ANK3: variants seen among roughly 807,000 people sequenced by gnomAD.
ANK3 encodes ankyrin 3.
In ANK3, 57 loss-of-function variants were observed where a neutral mutation model predicts 370.9. That is an observed-to-expected ratio of 0.15 (90% CI 0.12 to 0.19). ANK3 has a LOEUF of 0.19. ANK3 is among the 10% of genes least tolerant of loss of function. The probability of loss-of-function intolerance (pLI) is 1.00; values close to 1 mark genes in which losing one functional copy is unlikely to be tolerated. For synonymous variants in ANK3, 1,929 were observed against 1,946.3 expected (o/e 0.99, Z 0.23); for missense variants, 4,439 against 5,302.1 (o/e 0.84, Z 5.06).
intron 23 of ANK3, among the ~76,000 whole-genome samples, chr10:60,154,740 AG>A (rs2095273372): frequency 6.6e-6 from 1 of 152,208 alleles, no homozygotes. Flanking sequence ...AGTTACAGTG[AG>A]CCGAGATCAT....
At chr10:60,404,819 T>A (rs72806156) in intron 2 of ANK3, among the ~76,000 whole-genome samples, 16,187 of 152,032 alleles carry the variant, frequency 0.11, 958 homozygotes, top group South Asian at 0.14. Flanking sequence ...AATATATCCG[T>A]CCAAGGATCA....
At chr10:60,710,687 T>C (rs538864458) in intron 1 of ANK3, among the ~76,000 whole-genome samples, 1 of 152,282 alleles carries the variant, frequency 6.6e-6, no homozygotes, top group African/African-American at 2.4e-5. Flanking sequence ...ACCTATATAA[T>C]GGTTTATTAC....
intron 2 of ANK3, chr10:60,572,889 A>G (rs2077632126): frequency 9.8e-7 from 1 of 1,022,278 alleles, no homozygotes; most frequent in Non-Finnish European, 1.2e-6. Flanking sequence ...GGAAATGGTG[A>G]GAGAGAGAGA....
chr10:60,492,023 A>G (rs2075520681), intron 2 of ANK3, among the ~76,000 whole-genome samples: 3 of 152,152 alleles, frequency 2.0e-5, no homozygotes. Context: ...TTATAATGGA[A>G]CTGAAGATTT....
intron 16 of ANK3, among the ~76,000 whole-genome samples, chr10:60,193,429 G>A (rs2096529651): frequency 6.6e-6 from 1 of 152,150 alleles, no homozygotes; most frequent in South Asian, 2.1e-4. Flanking sequence ...GGCCAAGGAG[G>A]GCAGATCACT....
chr10:60,466,359 G>A (rs1453692923), intron 2 of ANK3, among the ~76,000 whole-genome samples: 2 of 152,074 alleles, frequency 1.3e-5, no homozygotes, highest in Non-Finnish European at 2.9e-5. Flanking sequence ...AAACCCTCAC[G>A]ATGCCAATAA....
At chr10:60,554,837 A>C (rs1316408986) in intron 2 of ANK3, among the ~76,000 whole-genome samples, 1 of 152,226 alleles carries the variant, frequency 6.6e-6, no homozygotes, top group Non-Finnish European at 1.5e-5. Flanking sequence ...GACACTATAC[A>C]AAAGTTACAT....
At chr10:60,173,744 C>G (rs960672867) in intron 18 of ANK3, among the ~76,000 whole-genome samples, 2 of 152,128 alleles carry the variant, frequency 1.3e-5, no homozygotes, top group Non-Finnish European at 1.5e-5. Flanking sequence ...TCAAGTTAGT[C>G]TTTTGCCTTC....
At chr10:60,403,984 G>T (rs1365626042) in intron 2 of ANK3, among the ~76,000 whole-genome samples, 2 of 152,026 alleles carry the variant, frequency 1.3e-5, no homozygotes, top group African/African-American at 4.8e-5. Context: ...TTTAAAAAAA[G>T]AACAATTCTA....
intron 1 of ANK3, among the ~76,000 whole-genome samples, chr10:60,291,083 T>C (rs1213179877): frequency 6.6e-6 from 1 of 152,018 alleles, no homozygotes; most frequent in African/African-American, 2.4e-5. Flanking sequence ...AAAACAAATA[T>C]AGAGAAGAAA....
chr10:60,448,163 C>T (rs1241173626), intron 2 of ANK3, among the ~76,000 whole-genome samples: 1 of 152,088 alleles, frequency 6.6e-6, no homozygotes, highest in Non-Finnish European at 1.5e-5. Flanking sequence ...TCAGAGATGG[C>T]CATAATGACC....
chr10:60,312,490 G>A (rs2046558056), intron 1 of ANK3, among the ~76,000 whole-genome samples: 1 of 152,162 alleles, frequency 6.6e-6, no homozygotes, highest in African/African-American at 2.4e-5. Context: ...GTTTGGCAAG[G>A]TGGACACAGT....
intron 4 of ANK3, among the ~76,000 whole-genome samples, chr10:60,277,669 C>T (rs1325185292): frequency 6.6e-6 from 1 of 150,966 alleles, no homozygotes; most frequent in East Asian, 1.9e-4. Context: ...GCTTCCTAGC[C>T]TAATACTGCC....
intron 1 of ANK3, among the ~76,000 whole-genome samples, chr10:60,637,514 A>G (rs1379230708): frequency 6.6e-6 from 1 of 152,236 alleles, no homozygotes; most frequent in Non-Finnish European, 1.5e-5. Flanking sequence ...AATTCTTCGA[A>G]CTAATAATTC....
intron 12 of ANK3, among the ~76,000 whole-genome samples, chr10:60,201,352 C>T (rs566605732): frequency 1.8e-4 from 28 of 152,338 alleles, no homozygotes; most frequent in Admixed American, 6.5e-4. Flanking sequence ...TCAGGGTAAG[C>T]GTGCAGGGCC....
At chr10:60,209,653 C>T (rs547329208) in intron 9 of ANK3, among the ~76,000 whole-genome samples, 1 of 152,262 alleles carries the variant, frequency 6.6e-6, no homozygotes, top group Non-Finnish European at 1.5e-5. Flanking sequence ...AATTAAGGTG[C>T]AGGAAAAGGT....
chr10:60,058,980 C>T (rs2131926517), intron 41 of ANK3, among the ~76,000 whole-genome samples: 1 of 152,252 alleles, frequency 6.6e-6, no homozygotes, highest in African/African-American at 2.4e-5. Flanking sequence ...GTCTTGAACT[C>T]CTGACCTCAG....
chr10:60,671,369 T>C (rs919318340), intron 1 of ANK3, among the ~76,000 whole-genome samples: 1 of 152,194 alleles, frequency 6.6e-6, no homozygotes, highest in Non-Finnish European at 1.5e-5. Flanking sequence ...CCAGCCTTTC[T>C]GTGACTGGTT....
intron 1 of ANK3, among the ~76,000 whole-genome samples, chr10:60,656,378 A>T (rs1425586913): frequency 6.6e-6 from 1 of 152,070 alleles, no homozygotes; most frequent in African/African-American, 2.4e-5. Flanking sequence ...TGAAAATGGT[A>T]ATCTGTGTCC....
Sources: gnomAD v4.1 joint callset for allele counts (sites outside exome capture counted in the v4.1 genomes callset) on GRCh38, gnomAD v4.1.1 for gene constraint, MANE v1.5 for transcripts, NCBI Gene and HGNC (gene_info 2026-07-23, HGNC 2026-07-21) for gene names.